The following SUGCT variants were observed in gnomAD, a reference collection of about 807,000 sequenced individuals.
SUGCT encodes succinyl-CoA:glutarate CoA-transferase.
A neutral mutation model predicts 55.0 loss-of-function variants in SUGCT; 41 were observed. That is an observed-to-expected ratio of 0.74 (90% CI 0.58 to 0.97). SUGCT has a LOEUF of 0.97. Ranked by LOEUF, SUGCT falls within the 50% of genes least tolerant of loss-of-function variation. The pLI, the probability that SUGCT is intolerant of heterozygous loss-of-function variation, is 0.00. For missense variants in SUGCT, 568 were observed against 547.8 expected, an observed-to-expected ratio of 1.04 and a Z score of -0.37; for synonymous variants, 187 against 200.4, an observed-to-expected ratio of 0.93 and a Z score of 0.56.
At chr7:40,733,122 G>T (rs1786982287) in intron 12 of SUGCT, among the ~76,000 whole-genome samples, 1 of 152,174 alleles carries the variant, frequency 6.6e-6, no homozygotes. Context: ...TGGGAACACA[G>T]ATGTGTCTGA....
intron 13 of SUGCT, among the ~76,000 whole-genome samples, chr7:40,754,752 G>A (rs1351138500): frequency 2.0e-5 from 3 of 152,220 alleles, no homozygotes; most frequent in Non-Finnish European, 4.4e-5. Flanking sequence ...TGTTGAATCT[G>A]TGAGTGGTTT....
chr7:40,634,353 C>G (rs1481439236), intron 12 of SUGCT, among the ~76,000 whole-genome samples: 1 of 152,166 alleles, frequency 6.6e-6, no homozygotes, highest in African/African-American at 2.4e-5. Flanking sequence ...AGGGCTACTG[C>G]TCTGTGTGAT....
At chr7:40,431,106 A>G (rs1197785334) in intron 9 of SUGCT, among the ~76,000 whole-genome samples, 1 of 139,046 alleles carries the variant, frequency 7.2e-6, no homozygotes, top group East Asian at 2.2e-4. Flanking sequence ...CAACAGAGTG[A>G]GACTTCGTCT....
chr7:40,833,320 C>T (rs2329878), intron 13 of SUGCT, among the ~76,000 whole-genome samples: 32,163 of 151,746 alleles, frequency 0.21, 3,742 homozygotes, highest in East Asian at 0.51. Context: ...AAGTTTTTTC[C>T]CTTTTTTTCT....
At chr7:40,345,596 A>G (rs1797267777) in intron 9 of SUGCT, among the ~76,000 whole-genome samples, 1 of 152,068 alleles carries the variant, frequency 6.6e-6, no homozygotes. Context: ...TTTGTTTGCC[A>G]TTCACCTGTT....
chr7:40,282,578 A>G (rs1448015155), intron 8 of SUGCT, among the ~76,000 whole-genome samples: 2 of 152,124 alleles, frequency 1.3e-5, no homozygotes, highest in African/African-American at 4.8e-5. Flanking sequence ...CTTACACTAT[A>G]TACAAAAATC....
At chr7:40,522,539 G>C (rs905508371) in intron 12 of SUGCT, among the ~76,000 whole-genome samples, 1 of 152,040 alleles carries the variant, frequency 6.6e-6, no homozygotes, top group African/African-American at 2.4e-5. Flanking sequence ...GAGAAACGAT[G>C]TGTTTTCTGT....
chr7:40,260,248 T>G (rs1791132726), intron 7 of SUGCT, among the ~76,000 whole-genome samples: 3 of 152,252 alleles, frequency 2.0e-5, no homozygotes, highest in African/African-American at 4.8e-5. Flanking sequence ...GCTGCTAATA[T>G]ATATCTGTTT....
the SUGCT span, among the ~76,000 whole-genome samples, chr7:40,994,452 C>G: frequency 6.6e-6 from 1 of 152,124 alleles, no homozygotes; most frequent in Non-Finnish European, 1.5e-5. Flanking sequence ...TTTTCTAACT[C>G]CTTGACCTGA....
the SUGCT span, among the ~76,000 whole-genome samples, chr7:40,888,898 A>G: frequency 6.6e-6 from 1 of 152,360 alleles, no homozygotes; most frequent in South Asian, 2.1e-4. Context: ...TTCTGGAACC[A>G]GAGCCATGGC....
chr7:40,347,306 A>G (rs754295117), intron 9 of SUGCT, among the ~76,000 whole-genome samples: 1 of 152,214 alleles, frequency 6.6e-6, no homozygotes, highest in Non-Finnish European at 1.5e-5. Flanking sequence ...CCTCACAAGG[A>G]AATGAGGAAC....
chr7:40,293,214 T>G (rs1185471783), intron 8 of SUGCT, among the ~76,000 whole-genome samples: 1 of 152,186 alleles, frequency 6.6e-6, no homozygotes, highest in Non-Finnish European at 1.5e-5. Flanking sequence ...AAAGTGAGTA[T>G]TAACCATTTT....
intron 6 of SUGCT, among the ~76,000 whole-genome samples, chr7:40,206,673 C>A (rs1024602557): frequency 1.3e-5 from 2 of 152,208 alleles, no homozygotes; most frequent in Non-Finnish European, 2.9e-5. Context: ...AACTTATGCA[C>A]ATCCTCCTGT....
At chr7:40,344,836 G>A (rs1408718139) in intron 9 of SUGCT, among the ~76,000 whole-genome samples, 1 of 151,996 alleles carries the variant, frequency 6.6e-6, no homozygotes, top group Non-Finnish European at 1.5e-5. Context: ...TTGATTGATT[G>A]TATAGTTCTT....
intron 12 of SUGCT, among the ~76,000 whole-genome samples, chr7:40,532,190 G>T (rs1298766143): frequency 1.3e-5 from 2 of 152,164 alleles, no homozygotes; most frequent in African/African-American, 4.8e-5. Flanking sequence ...AGGATCCAAT[G>T]CTCATGAATG....
chr7:40,229,206 G>A (rs2150852136), intron 6 of SUGCT, among the ~76,000 whole-genome samples: 1 of 152,212 alleles, frequency 6.6e-6, no homozygotes, highest in African/African-American at 2.4e-5. Context: ...TTAGTGGATG[G>A]ATAAGAAAAT....
chr7:40,660,134 T>C (rs1258196368), intron 12 of SUGCT, among the ~76,000 whole-genome samples: 1 of 152,220 alleles, frequency 6.6e-6, no homozygotes, highest in African/African-American at 2.4e-5. Context: ...GTTTTCTAAC[T>C]GGGAGGATTG....
chr7:40,508,170 AGAGT>A (rs2151545013), intron 12 of SUGCT, among the ~76,000 whole-genome samples: 1 of 152,270 alleles, frequency 6.6e-6, no homozygotes, highest in African/African-American at 2.4e-5. Context: ...TCCTGCTCTA[AGAGT>A]GAGAACTAGA....
At chr7:40,403,136 G>T (rs1786173876) in intron 9 of SUGCT, among the ~76,000 whole-genome samples, 1 of 152,020 alleles carries the variant, frequency 6.6e-6, no homozygotes, top group Non-Finnish European at 1.5e-5. Flanking sequence ...TGCCTTTGGG[G>T]AGTAGATGAC....
Sources: gnomAD v4.1 joint callset for allele counts (sites outside exome capture counted in the v4.1 genomes callset) on GRCh38, gnomAD v4.1.1 for gene constraint, MANE v1.5 for transcripts, NCBI Gene and HGNC (gene_info 2026-07-23, HGNC 2026-07-21) for gene names.